Variants in HS6ST3 observed in about 807,000 individuals in gnomAD.
HS6ST3 encodes heparan-sulfate 6-O-sulfotransferase 3.
HS6ST3 carries 12 observed loss-of-function variants against 36.7 expected under a neutral mutation model. The observed-to-expected ratio is 0.33, with a 90% confidence interval of 0.21 to 0.53. HS6ST3 has a LOEUF of 0.53. HS6ST3 is among the 20% of genes least tolerant of loss of function. The pLI, the probability that HS6ST3 is intolerant of heterozygous loss-of-function variation, is 0.95. For synonymous variants in HS6ST3, 240 were observed against 257.5 expected, an observed-to-expected ratio of 0.93 and a Z score of 0.65; for missense variants, 584 against 640.9, an observed-to-expected ratio of 0.91 and a Z score of 0.96.
At chr13:96,226,241 C>G (rs926594515) in intron 1 of HS6ST3, among the ~76,000 whole-genome samples, 7 of 152,206 alleles carry the variant, frequency 4.6e-5, no homozygotes, top group Admixed American at 4.6e-4. Flanking sequence ...AAGAAATTGG[C>G]CAGACGCAGG....
chr13:96,211,754 T>C (rs2054400266), intron 1 of HS6ST3, among the ~76,000 whole-genome samples: 1 of 152,198 alleles, frequency 6.6e-6, no homozygotes, highest in African/African-American at 2.4e-5. Flanking sequence ...TCTGGGAAAC[T>C]TAAAATTTTA....
chr13:96,470,461 G>T (rs1167497559), intron 1 of HS6ST3, among the ~76,000 whole-genome samples: 3 of 151,886 alleles, frequency 2.0e-5, no homozygotes, highest in Non-Finnish European at 4.4e-5. Context: ...TGTCCCTTCT[G>T]CTCATCATCT....
At chr13:96,230,210 T>C (rs1372130527) in intron 1 of HS6ST3, among the ~76,000 whole-genome samples, 1 of 152,100 alleles carries the variant, frequency 6.6e-6, no homozygotes, top group Non-Finnish European at 1.5e-5. Context: ...TTTTAGAGTG[T>C]AATGTTGAAG....
intron 1 of HS6ST3, among the ~76,000 whole-genome samples, chr13:96,302,489 T>C (rs1350193860): frequency 6.6e-6 from 1 of 152,172 alleles, no homozygotes; most frequent in Non-Finnish European, 1.5e-5. Context: ...TAACTCTTTA[T>C]CTATTGTTGA....
At position 96,099,954 on chromosome 13, in the gene HS6ST3, G is replaced by A. The variant is rs74106321; in HGVS notation, c.707+8385G>A. On this transcript the variant is annotated intron_variant, in intron 1 of 1. Transcript: ENST00000376705. Reference sequence around the variant, plus strand: ...AGAAAGACATGTGGTAACTTAATGCGTGTCTGTAAATCTGAGGGTAAGAGC... The same window carrying A: ...AGAAAGACATGTGGTAACTTAATGCATGTCTGTAAATCTGAGGGTAAGAGC... Among the ~76,000 whole-genome samples, 8 of 152,266 alleles carry A rather than the reference G, an allele frequency of 5.3e-5. No individual in the cohort carries two copies. In the South Asian group the frequency reaches 1.4e-3, roughly 28 times the overall value.
intron 1 of HS6ST3, among the ~76,000 whole-genome samples, chr13:96,126,227 C>G (rs2053950337): frequency 6.6e-6 from 1 of 152,098 alleles, no homozygotes; most frequent in Non-Finnish European, 1.5e-5. Context: ...CTTTTCCAAC[C>G]TAGTAGGGGC....
At chr13:96,766,687 C>A (rs945806853) in intron 1 of HS6ST3, among the ~76,000 whole-genome samples, 1 of 152,152 alleles carries the variant, frequency 6.6e-6, no homozygotes, top group African/African-American at 2.4e-5. Flanking sequence ...GGCAACCTTG[C>A]ACCAGCTTCC....
chr13:96,723,821 C>T (rs1404311477), intron 1 of HS6ST3, among the ~76,000 whole-genome samples: 1 of 152,188 alleles, frequency 6.6e-6, no homozygotes, highest in South Asian at 2.1e-4. Flanking sequence ...TTATTTCCTG[C>T]AGGCTCTTAA....
intron 1 of HS6ST3, among the ~76,000 whole-genome samples, chr13:96,108,603 C>T (rs928915115): frequency 6.6e-6 from 1 of 152,046 alleles, no homozygotes; most frequent in Non-Finnish European, 1.5e-5. Context: ...TCCCCGGACA[C>T]CCAGCTTTAA....
intron 1 of HS6ST3, among the ~76,000 whole-genome samples, chr13:96,542,232 G>A (rs2138942787): frequency 6.6e-6 from 1 of 152,208 alleles, no homozygotes; most frequent in East Asian, 1.9e-4. Flanking sequence ...GCAGATGAAG[G>A]GAAAAACCAT....
At chr13:96,713,426 A>G (rs964921256) in intron 1 of HS6ST3, among the ~76,000 whole-genome samples, 2 of 152,194 alleles carry the variant, frequency 1.3e-5, no homozygotes, top group African/African-American at 4.8e-5. Context: ...TGTTTAAAAC[A>G]CACATTATTT....
intron 1 of HS6ST3, among the ~76,000 whole-genome samples, chr13:96,512,407 G>C (rs2056053447): frequency 6.6e-6 from 1 of 152,162 alleles, no homozygotes; most frequent in African/African-American, 2.4e-5. Context: ...TTTAGGATGA[G>C]TTTATCAAAA....
At chr13:96,120,576 T>C (rs79407913) in intron 1 of HS6ST3, among the ~76,000 whole-genome samples, 5,960 of 152,308 alleles carry the variant, frequency 0.039, 188 homozygotes, top group African/African-American at 0.088. Context: ...TAGTAGCATA[T>C]TGAACTTTAT....
intron 1 of HS6ST3, among the ~76,000 whole-genome samples, chr13:96,500,474 C>T (rs568071300): frequency 6.6e-6 from 1 of 152,204 alleles, no homozygotes; most frequent in African/African-American, 2.4e-5. Context: ...GTTACCATTT[C>T]GTCTGCTATG....
chr13:96,460,888 A>G (rs1421830137), intron 1 of HS6ST3, among the ~76,000 whole-genome samples: 3 of 152,300 alleles, frequency 2.0e-5, no homozygotes, highest in South Asian at 4.1e-4. Context: ...CAAACAATGC[A>G]TGGGAGCTGG....
chr13:96,411,258 G>A (rs548573134), intron 1 of HS6ST3, among the ~76,000 whole-genome samples: 5 of 152,238 alleles, frequency 3.3e-5, no homozygotes, highest in African/African-American at 1.2e-4. Context: ...CTTGACCAAC[G>A]AGGAAGCTGC....
chr13:96,793,080 G>A (rs1877829772), intron 1 of HS6ST3, among the ~76,000 whole-genome samples: 1 of 152,020 alleles, frequency 6.6e-6, no homozygotes, highest in Non-Finnish European at 1.5e-5. Context: ...CATGAGGAGT[G>A]AGTGACCTTG....
intron 1 of HS6ST3, among the ~76,000 whole-genome samples, chr13:96,821,837 C>G (rs537172745): frequency 1.3e-3 from 192 of 152,266 alleles, no homozygotes; most frequent in Non-Finnish European, 2.1e-3. Context: ...AACAGAATGG[C>G]AAAACCTAGA....
At chr13:96,171,830 C>T (rs1244415474) in intron 1 of HS6ST3, among the ~76,000 whole-genome samples, 2 of 152,136 alleles carry the variant, frequency 1.3e-5, no homozygotes, top group South Asian at 2.1e-4. Context: ...TAAATAACTA[C>T]AATTACTTAC....
Sources: gnomAD v4.1 joint callset for allele counts (sites outside exome capture counted in the v4.1 genomes callset) on GRCh38, gnomAD v4.1.1 for gene constraint, MANE v1.5 for transcripts, NCBI Gene and HGNC (gene_info 2026-07-23, HGNC 2026-07-21) for gene names.